The following NRG1 variants were observed in gnomAD, a reference collection of about 807,000 sequenced individuals.
NRG1 encodes pro-neuregulin-1, membrane-bound isoform.
Under a neutral mutation model 63.8 loss-of-function variants are expected in NRG1, and 18 were observed. The ratio of observed to expected loss-of-function variants is 0.28; its 90% confidence interval spans 0.19 to 0.42. The LOEUF (loss-of-function observed/expected upper bound fraction) is 0.42, where lower values mean the gene tolerates loss of function less well. Among genes scored for constraint, NRG1 ranks in the 10% least tolerant of loss-of-function variants. NRG1 has a pLI of 1.00. For synonymous variants in NRG1, 302 were observed against 301.3 expected (o/e 1.00, Z -0.02); for missense variants, 762 against 814.7 (o/e 0.94, Z 0.79).
chr8:32,236,652 A>G (rs2129469385), intron 1 of NRG1, among the ~76,000 whole-genome samples: 1 of 152,342 alleles, frequency 6.6e-6, no homozygotes, highest in African/African-American at 2.4e-5. Flanking sequence ...CGTTGCTCAA[A>G]AAAAAGAAAC....
chr8:32,737,163 G>T (rs185928078), intron 6 of NRG1, among the ~76,000 whole-genome samples: 1 of 152,214 alleles, frequency 6.6e-6, no homozygotes, highest in Non-Finnish European at 1.5e-5. Context: ...TACTTTTAAA[G>T]AATCAAAGAA....
chr8:32,072,624 C>G (rs771196860), intron 1 of NRG1, among the ~76,000 whole-genome samples: 2 of 152,004 alleles, frequency 1.3e-5, no homozygotes, highest in Admixed American at 6.6e-5. Context: ...TCAAAATGAC[C>G]TAACTCCACT....
chr8:32,597,574 C>A (rs1843585479), intron 2 of NRG1, among the ~76,000 whole-genome samples: 1 of 151,984 alleles, frequency 6.6e-6, no homozygotes, highest in South Asian at 2.1e-4. Context: ...ATTTTTTTTA[C>A]ATTATTCCAA....
intron 5 of NRG1, among the ~76,000 whole-genome samples, chr8:32,723,532 A>C (rs535656996): frequency 6.6e-6 from 1 of 151,746 alleles, no homozygotes; most frequent in African/African-American, 2.4e-5. Context: ...TGCCAAAAAA[A>C]AAAATTAGCC....
intron 1 of NRG1, among the ~76,000 whole-genome samples, chr8:32,582,771 A>T (rs980862192): frequency 6.6e-6 from 1 of 152,216 alleles, no homozygotes; most frequent in Non-Finnish European, 1.5e-5. Context: ...AGCATTTTCC[A>T]AATTATATTT....
chr8:32,201,453 C>T (rs1843492691), intron 1 of NRG1, among the ~76,000 whole-genome samples: 2 of 152,146 alleles, frequency 1.3e-5, no homozygotes, highest in Admixed American at 1.3e-4. Context: ...TAAACAATTC[C>T]ATGGACTCTG....
At chr8:32,340,580 T>C (rs1437968287) in intron 1 of NRG1, among the ~76,000 whole-genome samples, 2 of 152,242 alleles carry the variant, frequency 1.3e-5, no homozygotes, top group Non-Finnish European at 2.9e-5. Context: ...ATAAGTTGGC[T>C]GGATGGACCA....
chr8:32,267,664 G>A (rs778741192), intron 1 of NRG1, among the ~76,000 whole-genome samples: 41 of 152,266 alleles, frequency 2.7e-4, no homozygotes, highest in Non-Finnish European at 5.3e-4. Flanking sequence ...TCAGGTACAT[G>A]TGTTGTGATG....
At chr8:32,040,725 T>TGAAATTTAGGCGC (rs1461698564) in intron 1 of NRG1, among the ~76,000 whole-genome samples, 3,059 of 116,904 alleles carry the variant, frequency 0.026, 108 homozygotes, top group Non-Finnish European at 0.041. Flanking sequence ...TATATATATA[T>TGAAATTTAGGCGC]ATATATATAT....
At chr8:32,682,314 C>T (rs2128918875) in intron 5 of NRG1, among the ~76,000 whole-genome samples, 1 of 152,218 alleles carries the variant, frequency 6.6e-6, no homozygotes, top group South Asian at 2.1e-4. Context: ...AGTGTCTGTA[C>T]CTTATTTACA....
chr8:32,234,877 C>T (rs888283437), intron 1 of NRG1, among the ~76,000 whole-genome samples: 83 of 152,212 alleles, frequency 5.5e-4, no homozygotes, highest in Non-Finnish European at 7.4e-4. Context: ...TCATACCCCA[C>T]CTCTGTTTGA....
chr8:32,723,319 G>A (rs1821123626), intron 5 of NRG1, among the ~76,000 whole-genome samples: 1 of 152,062 alleles, frequency 6.6e-6, no homozygotes, highest in Admixed American at 6.6e-5. Context: ...AGTTGGTCAT[G>A]GTCTTACAAT....
chr8:31,651,669 A>C (rs1309447702), intron 1 of NRG1, among the ~76,000 whole-genome samples: 1 of 152,238 alleles, frequency 6.6e-6, no homozygotes, highest in Non-Finnish European at 1.5e-5. Context: ...AGCAATGCTG[A>C]AACAGTTGTC....
At chr8:31,828,760 A>G (rs970747752) in intron 1 of NRG1, among the ~76,000 whole-genome samples, 6 of 152,214 alleles carry the variant, frequency 3.9e-5, no homozygotes, top group African/African-American at 7.2e-5. Context: ...GTTTCTTAGA[A>G]TAAAGCCAGC....
chr8:31,883,741 T>C (rs773912622), intron 1 of NRG1, among the ~76,000 whole-genome samples: 2 of 152,166 alleles, frequency 1.3e-5, no homozygotes, highest in Non-Finnish European at 2.9e-5. Flanking sequence ...AAGATCTCTG[T>C]TGTTTTGAAA....
chr8:32,568,269 G>A lies in NRG1; in HGVS notation c.100+19443G>A, dbSNP rs182319636. Among the ~76,000 whole-genome samples, 39 of 152,272 alleles carry A rather than the reference G, an allele frequency of 2.6e-4. 1 individual carries two copies. The East Asian group carries it at 4.2e-3, about 17-fold the overall frequency. ...GTTTCAATATTGAAGTTTCCTCCAA[G>A]TGAGCTGTTATCACTTTTGTCTTCA... On this transcript the variant is annotated intron_variant, in intron 1 of 11. Coordinates refer to ENST00000356819, the Ensembl canonical transcript of NRG1.
At chr8:31,727,024 G>C (rs1365512640) in intron 1 of NRG1, among the ~76,000 whole-genome samples, 1 of 152,130 alleles carries the variant, frequency 6.6e-6, no homozygotes, top group African/African-American at 2.4e-5. Context: ...AAAAACGATT[G>C]TCTAAGGGGT....
intron 1 of NRG1, among the ~76,000 whole-genome samples, chr8:32,333,967 C>T (rs1262722809): frequency 6.6e-6 from 1 of 152,154 alleles, no homozygotes; most frequent in Non-Finnish European, 1.5e-5. Flanking sequence ...TTCTGCTCAC[C>T]TTTTCCTAGG....
chr8:32,249,662 A>T (rs564052152), intron 1 of NRG1, among the ~76,000 whole-genome samples: 1 of 152,134 alleles, frequency 6.6e-6, no homozygotes, highest in South Asian at 2.1e-4. Context: ...ACAAGGGTCC[A>T]TATCACAGGA....
Sources: gnomAD v4.1 joint callset for allele counts (sites outside exome capture counted in the v4.1 genomes callset) on GRCh38, gnomAD v4.1.1 for gene constraint, MANE v1.5 for transcripts, NCBI Gene and HGNC (gene_info 2026-07-23, HGNC 2026-07-21) for gene names.